Variants in TM9SF3 observed in about 807,000 individuals in gnomAD.
TM9SF3 encodes the protein SM-11044-binding protein.
Under a neutral mutation model 78.6 loss-of-function variants are expected in TM9SF3, and 14 were observed. The observed-to-expected ratio is 0.18, with a 90% CI of 0.12 to 0.28. TM9SF3 has a LOEUF of 0.28. TM9SF3 is among the 10% of genes least tolerant of loss of function. The pLI is 1.00. For missense variants in TM9SF3, 496 were observed against 721.9 expected, an observed-to-expected ratio of 0.69 and a Z score of 3.59; for synonymous variants, 231 against 241.7, an observed-to-expected ratio of 0.96 and a Z score of 0.41.
chr10:96,569,669 C>T (rs183053280), intron 2 of TM9SF3, among the ~76,000 whole-genome samples: 51 of 152,180 alleles, frequency 3.4e-4, no homozygotes, highest in African/African-American at 1.1e-3. Flanking sequence ...TACTGAAATA[C>T]TTATGTGCAA....
chr10:96,545,803 C>T (rs1377942412), intron 8 of TM9SF3, among the ~76,000 whole-genome samples: 2 of 152,152 alleles, frequency 1.3e-5, no homozygotes, highest in African/African-American at 4.8e-5. Context: ...GTAGGAGAAT[C>T]GCTTGAACCC....
chr10:96,573,369 C>CT (rs1589462846), intron 2 of TM9SF3, among the ~76,000 whole-genome samples: 1 of 152,140 alleles, frequency 6.6e-6, no homozygotes, highest in East Asian at 1.9e-4. Context: ...GCATGATCGA[C>CT]TTTATCTTTG....
At chr10:96,558,999 A>T (rs561828071) in intron 5 of TM9SF3, among the ~76,000 whole-genome samples, 2 of 152,140 alleles carry the variant, frequency 1.3e-5, no homozygotes, top group East Asian at 3.9e-4. Flanking sequence ...TACAAAACCA[A>T]CACTAATGCT....
chr10:96,541,654 T>TA (rs1180067261), intron 9 of TM9SF3, among the ~76,000 whole-genome samples: 2 of 152,206 alleles, frequency 1.3e-5, no homozygotes, highest in Middle Eastern at 3.2e-3. Context: ...ATGCTGGAAT[T>TA]ACAGGCGTGA....
rs770490217 is a variant in TM9SF3 at position 96,522,130 on chromosome 10, G to A, written c.*133C>T. On this transcript the variant is annotated 3_prime_UTR_variant, in exon 15 of 15. Transcript: ENST00000371142. ...GAAATAGATGTTACTTTAAGCCACC[G>A]ACGAAAGAGAGACCCACAAAGTACC... The A allele has an allele frequency of 1.9e-5, 13 of 702,690 alleles. No homozygotes were observed. Among genetic ancestry groups the A allele is most frequent in the South Asian group, 3.6e-5 (2 of 54,996 alleles). The allele number at this position is 702,690 out of a possible 1,614,324, so 43.5% of individuals were successfully genotyped here. A position where few individuals can be genotyped will look rare whatever the true frequency, so the allele number is the denominator to read the frequency against.
chr10:96,560,098 A>G (rs35779764), intron 4 of TM9SF3: 117,838 of 631,986 alleles, frequency 0.19, 12,354 homozygotes, highest in Admixed American at 0.34. Context: ...TGCCTGGTGT[A>G]ATTCTGTCCT....
At chr10:96,560,071 A>G in intron 4 of TM9SF3, 1 of 583,122 alleles carries the variant, frequency 1.7e-6, no homozygotes, top group Non-Finnish European at 3.1e-6. Flanking sequence ...ATCAATTAAA[A>G]TAAGAATCTG....
At chr10:96,574,336 C>G (rs1028461856) in intron 2 of TM9SF3, among the ~76,000 whole-genome samples, 1 of 152,152 alleles carries the variant, frequency 6.6e-6, no homozygotes, top group Non-Finnish European at 1.5e-5. Flanking sequence ...CTCATCATCA[C>G]CGGTCACTAG....
chr10:96,562,489 A>G lies in TM9SF3; in HGVS notation c.422-351T>C, dbSNP rs577275940. Among the ~76,000 whole-genome samples the G allele has an allele frequency of 7.2e-5, 11 of 152,268 alleles. No homozygotes were observed. In the East Asian group the frequency reaches 1.9e-3, roughly 27 times the overall value. On this transcript the variant is annotated intron_variant, in intron 3 of 14. Coordinates refer to ENST00000371142, the MANE Select transcript of TM9SF3 (RefSeq NM_020123.4). ...AAAATTTCAGAGAAGTGCTTACATC[A>G]CCATCTGCCAAGGTTACCCAGCTAT...
At chr10:96,569,064 T>C (rs946416616) in intron 2 of TM9SF3, among the ~76,000 whole-genome samples, 2 of 152,040 alleles carry the variant, frequency 1.3e-5, no homozygotes, top group East Asian at 1.9e-4. Flanking sequence ...GGTGTGTGCC[T>C]ATAGTTCCAG....
intron 14 of TM9SF3, 21 bp from the exon 15 acceptor site, chr10:96,522,351 G>A (rs536860882): frequency 1.3e-6 from 2 of 1,548,766 alleles, no homozygotes; most frequent in Non-Finnish European, 8.6e-7. Context: ...AAAATAAGAT[G>A]TTTTGAAACA....
At chr10:96,568,076 G>C (rs1030690978) in intron 2 of TM9SF3, among the ~76,000 whole-genome samples, 1 of 152,280 alleles carries the variant, frequency 6.6e-6, no homozygotes, top group Admixed American at 6.5e-5. Flanking sequence ...ATTATGACAG[G>C]CTATATAAAA....
chr10:96,556,664 A>G (rs1307026971), intron 5 of TM9SF3, among the ~76,000 whole-genome samples: 1 of 152,136 alleles, frequency 6.6e-6, no homozygotes, highest in African/African-American at 2.4e-5. Context: ...TTAAAAAAAA[A>G]AGAAAGAAAA....
chr10:96,521,240 C>CA lies in TM9SF3; in HGVS notation c.*1022dup, dbSNP rs1028492968. ...CCACCCAAATCACACATTTCTACACCAATCATCATAAGAAAAAAGTACTCT... is the reference window on the plus strand; with the variant it reads ...CCACCCAAATCACACATTTCTACACCAAATCATCATAAGAAAAAAGTACTCT... On this transcript the variant is annotated 3_prime_UTR_variant, in exon 15 of 15. Coordinates refer to ENST00000371142, the MANE Select transcript of TM9SF3 (RefSeq NM_020123.4). 1.3e-5 allele frequency: 3 copies of CA among 233,198 alleles called. No individual in the cohort carries two copies. The highest frequency in any genetic ancestry group is 6.8e-5 in the African/African-American group (3 of 44,408). 14.4% of individuals were successfully genotyped at this position (233,198 alleles called of 1,614,324 possible). A position where few individuals can be genotyped will look rare whatever the true frequency, so the allele number is the denominator to read the frequency against.
At chr10:96,586,127 T>G (rs900534575) in intron 1 of TM9SF3, among the ~76,000 whole-genome samples, 7 of 152,168 alleles carry the variant, frequency 4.6e-5, no homozygotes, top group Non-Finnish European at 7.4e-5. Flanking sequence ...GCCTAGGAAT[T>G]GAACGCGTGT....
chr10:96,522,450 G>T, intron 14 of TM9SF3, 120 bp from the exon 15 acceptor site: 1 of 745,290 alleles, frequency 1.3e-6, no homozygotes, highest in Non-Finnish European at 2.0e-6. Context: ...ATATCCTTAT[G>T]TTAGTATTCT....
intron 7 of TM9SF3, among the ~76,000 whole-genome samples, chr10:96,549,128 A>G (rs1184853173): frequency 1.3e-5 from 2 of 152,074 alleles, no homozygotes; most frequent in Non-Finnish European, 2.9e-5. Flanking sequence ...CTCAAACTCT[A>G]TGCCTTCTCA....
chr10:96,565,215 T>G, intron 3 of TM9SF3, 89 bp downstream of exon 3: 1 of 1,180,734 alleles, frequency 8.5e-7, no homozygotes, highest in Non-Finnish European at 1.1e-6. Flanking sequence ...TACACCATGA[T>G]CCAGTACACA....
At chr10:96,557,927 G>A (rs1201797762) in intron 5 of TM9SF3, among the ~76,000 whole-genome samples, 9 of 152,024 alleles carry the variant, frequency 5.9e-5, no homozygotes, top group East Asian at 1.9e-4. Flanking sequence ...TTTATTTCAC[G>A]TCTCCTTGAC....
Sources: gnomAD v4.1 joint callset for allele counts (sites outside exome capture counted in the v4.1 genomes callset) on GRCh38, gnomAD v4.1.1 for gene constraint, MANE v1.5 for transcripts, NCBI Gene and HGNC (gene_info 2026-07-23, HGNC 2026-07-21) for gene names.